Variants in TM7SF3 observed in about 807,000 individuals in gnomAD.
The protein encoded by TM7SF3 is transmembrane 7 superfamily member 3.
Under a neutral mutation model 65.5 loss-of-function variants are expected in TM7SF3, and 60 were observed. The observed-to-expected ratio is 0.92, with a 90% CI of 0.74 to 1.14. The LOEUF (loss-of-function observed/expected upper bound fraction) is 1.14, where lower values mean the gene tolerates loss of function less well. Among genes scored for constraint, TM7SF3 ranks in the 50% most tolerant of loss-of-function variants. The pLI is 0.00. For missense variants in TM7SF3, 623 were observed against 684.8 expected, an observed-to-expected ratio of 0.91 and a Z score of 1.01; for synonymous variants, 264 against 259.6, an observed-to-expected ratio of 1.02 and a Z score of -0.16.
At chr12:26,982,039 T>C (rs1390711220) in intron 7 of TM7SF3, among the ~76,000 whole-genome samples, 1 of 152,004 alleles carries the variant, frequency 6.6e-6, no homozygotes, top group Non-Finnish European at 1.5e-5. Flanking sequence ...CCAACTTCTT[T>C]TTTTTTTTTC....
intron 3 of TM7SF3, among the ~76,000 whole-genome samples, chr12:26,998,226 C>A (rs1448011301): frequency 6.6e-6 from 1 of 152,132 alleles, no homozygotes; most frequent in Non-Finnish European, 1.5e-5. Flanking sequence ...TATTATCCAC[C>A]AGAAACAGTG....
chr12:26,976,125 A>G, intron 10 of TM7SF3, 135 bp downstream of exon 10: 1 of 686,644 alleles, frequency 1.5e-6, no homozygotes, highest in Non-Finnish European at 2.5e-6. Flanking sequence ...TAACAAGGCT[A>G]TTTAGAATCA....
intron 4 of TM7SF3, 27 bp from the exon 5 acceptor site, chr12:26,995,435 T>G: frequency 6.2e-7 from 1 of 1,613,106 alleles, no homozygotes; most frequent in South Asian, 1.1e-5. Flanking sequence ...AAATGAAACA[T>G]CAGTCTCTTG....
Position 27,014,363 on chromosome 12 carries a change from G to A in TM7SF3, c.-195C>T, listed in dbSNP as rs971189018. 5.6e-6 allele frequency: 2 copies of A among 357,114 alleles called. No homozygotes were observed. Among genetic ancestry groups the A allele is most frequent in the Non-Finnish European group, 9.9e-6 (2 of 202,278 alleles). The allele number at this position is 357,114 out of a possible 1,614,324, so 22.1% of individuals were successfully genotyped here. A position where few individuals can be genotyped will look rare whatever the true frequency, so the allele number is the denominator to read the frequency against. ...CCCGCCGAACTCCTAGCCCCAGCGA[G>A]AGGTTTCCTCTTCCGGCACCTGACC... On this transcript the variant is annotated 5_prime_UTR_variant, in exon 1 of 12. Coordinates refer to ENST00000343028, the MANE Select transcript of TM7SF3 (RefSeq NM_016551.3).
chr12:26,979,870 C>T lies in TM7SF3; in HGVS notation c.1103G>A (p.Arg368Gln), dbSNP rs749811065. 1.1e-5 allele frequency: 17 copies of T among 1,614,054 alleles called. No homozygotes were observed. Among genetic ancestry groups the T allele is most frequent in the African/African-American group, 2.7e-5 (2 of 74,930 alleles). The change falls in exon 9 of 12, where the codon CGA becomes CAA. Residue 368 changes from arginine (R) to glutamine (Q), a missense_variant. Arg to Gln is a conservative substitution (Grantham distance 43, BLOSUM62 1). Coordinates refer to ENST00000343028, the MANE Select transcript of TM7SF3 (RefSeq NM_016551.3). ...GGMFLVAVWW[R>Q]FGILSICMLC... Reference sequence around the variant, plus strand: ...CATGCAGATCGAGAGGATTCCAAATCGCCACCACACAGCTACCAAGAACAT... The same window carrying T: ...CATGCAGATCGAGAGGATTCCAAATTGCCACCACACAGCTACCAAGAACAT...
chr12:27,000,863 C>T (rs1940803541), intron 2 of TM7SF3, among the ~76,000 whole-genome samples: 1 of 152,022 alleles, frequency 6.6e-6, no homozygotes, highest in Admixed American at 6.6e-5. Context: ...GTGCCCCTTC[C>T]TAATCCTTCC....
chr12:26,985,054 G>A lies in TM7SF3; in HGVS notation c.869-2195C>T, dbSNP rs2136394055. Among the ~76,000 whole-genome samples the A allele has an allele frequency of 1.3e-5, 2 of 152,268 alleles. 1 individual carries two copies. The highest frequency in any genetic ancestry group is 2.9e-5 in the Non-Finnish European group (2 of 68,018). On this transcript the variant is annotated intron_variant, in intron 6 of 11. Transcript: ENST00000343028. Reference sequence around the variant, plus strand: ...ACATCACTAGGAAGGTTCAACTTTGGGCGGGAAGAACAACTGGATCAGAGC... The same window carrying A: ...ACATCACTAGGAAGGTTCAACTTTGAGCGGGAAGAACAACTGGATCAGAGC...
At chr12:26,981,614 T>C (rs1187216781) in intron 7 of TM7SF3, among the ~76,000 whole-genome samples, 3 of 152,210 alleles carry the variant, frequency 2.0e-5, no homozygotes, top group Non-Finnish European at 4.4e-5. Flanking sequence ...ATATATTCTT[T>C]ACAATACTCT....
At chr12:26,989,148 T>C (rs1940230725) in intron 6 of TM7SF3, among the ~76,000 whole-genome samples, 1 of 152,082 alleles carries the variant, frequency 6.6e-6, no homozygotes, top group South Asian at 2.1e-4. Flanking sequence ...GTCAAAGTTA[T>C]ACACGGGTGG....
chr12:26,976,298 T>A lies in TM7SF3; in HGVS notation c.1249A>T (p.Ile417Phe). 1 of 1,613,988 alleles carries A rather than the reference T, an allele frequency of 6.2e-7. No homozygotes were observed. Among genetic ancestry groups the A allele is most frequent in the Non-Finnish European group, 8.5e-7 (1 of 1,179,924 alleles). ...VFWVTFSCIA[I>F]LIPVVFMGCL... ...CCCATGAAAACTACTGGAATGAGGA[T>A]AGCTATGCAAGAGAAAGTGACCCAG... The change falls in exon 10 of 12, where the codon ATC becomes TTC. Residue 417 changes from isoleucine (I) to phenylalanine (F), a missense_variant. Ile to Phe is a conservative substitution (Grantham distance 21). Transcript: ENST00000343028.
At chr12:26,979,545 C>G in intron 9 of TM7SF3, 1 of 529,306 alleles carries the variant, frequency 1.9e-6, no homozygotes. Context: ...CCACTTATCA[C>G]AACAAATAGA....
At chr12:26,998,069 ACC>A (rs1940674932) in intron 3 of TM7SF3, among the ~76,000 whole-genome samples, 3 of 151,966 alleles carry the variant, frequency 2.0e-5, no homozygotes, top group African/African-American at 7.3e-5. Flanking sequence ...TATAAATTAT[ACC>A]TGCAACCTGC....
In TM7SF3 at chr12:27,003,384, ATAAGACCTACAACG is replaced by A; in HGVS notation, c.92-8_97del. On this transcript the variant is annotated splice_acceptor_variant and splice_polypyrimidine_tract_variant and coding_sequence_variant and intron_variant, in exon 2 of 12. Transcript: ENST00000343028. LOFTEE classifies it high-confidence loss of function. ...TCTAAATTTCCCCACAGAAAATTCA[ATAAGACCTACAACG>A]AGATAAACTTTTCATTACAACACTT... 1 of 1,610,968 alleles carries A rather than the reference ATAAGACCTACAACG, an allele frequency of 6.2e-7. No homozygotes were observed.
At chr12:26,977,776 GTGTGTGTGTGTGTGTA>G (rs1437879187) in intron 9 of TM7SF3, among the ~76,000 whole-genome samples, 1 of 151,136 alleles carries the variant, frequency 6.6e-6, no homozygotes, top group African/African-American at 2.4e-5. Flanking sequence ...ATGTGTGTGT[GTGTGTGTGTGTGTGTA>G]TGTGTGTGTG....
chr12:27,002,245 T>C (rs1940861455), intron 2 of TM7SF3, among the ~76,000 whole-genome samples: 1 of 152,030 alleles, frequency 6.6e-6, no homozygotes, highest in Non-Finnish European at 1.5e-5. Flanking sequence ...GGCGGATCAC[T>C]TGAGGCCAGG....
At chr12:27,002,277 A>G (rs1405429359) in intron 2 of TM7SF3, among the ~76,000 whole-genome samples, 1 of 150,702 alleles carries the variant, frequency 6.6e-6, no homozygotes. Context: ...AGCCTGGGCA[A>G]CAGAGCAAAA....
At chr12:26,985,812 T>TTTTTG (rs1940057428) in intron 6 of TM7SF3, among the ~76,000 whole-genome samples, 1 of 98,814 alleles carries the variant, frequency 1.0e-5, no homozygotes, top group Non-Finnish European at 2.1e-5. Context: ...TTTCGTTTTT[T>TTTTTG]TTTTTTTTTT....
Position 27,014,112 on chromosome 12 carries a change from A to G in TM7SF3, c.57T>C (p.Ala19=), listed in dbSNP as rs1177372452. 1.3e-6 allele frequency: 2 copies of G among 1,573,158 alleles called. No individual in the cohort carries two copies. The highest frequency in any genetic ancestry group is 1.7e-6 in the Non-Finnish European group (2 of 1,159,240). Residue 19 remains alanine (A), a synonymous_variant, in exon 1 of 12, where the codon GCT becomes GCC. Coordinates refer to ENST00000343028, the MANE Select transcript of TM7SF3 (RefSeq NM_016551.3). ...VAVLASEHRV[A]GAAEVFGNSS... Reference sequence around the variant, plus strand: ...AATTCCCGAAGACCTCGGCTGCACCAGCCACCCGGTGTTCGGATGCCAGCA... The same window carrying G: ...AATTCCCGAAGACCTCGGCTGCACCGGCCACCCGGTGTTCGGATGCCAGCA...
chr12:26,978,974 A>G (rs951070600), intron 9 of TM7SF3: 5 of 152,180 alleles, frequency 3.3e-5, no homozygotes, highest in African/African-American at 1.2e-4. Flanking sequence ...CGCCAAGCCT[A>G]CACAACACTG....
Sources: allele counts gnomAD v4.1 joint callset (sites outside exome capture counted in the v4.1 genomes callset), GRCh38; gene constraint gnomAD v4.1.1; transcripts MANE v1.5; gene names NCBI Gene and HGNC (gene_info 2026-07-23, HGNC 2026-07-21).